HPSE2: variants seen among roughly 807,000 people sequenced by gnomAD.
HPSE2 encodes heparanase 2 (inactive), also known as inactive heparanase-2.
Under a neutral mutation model 60.5 loss-of-function variants are expected in HPSE2, and 38 were observed. The ratio of observed to expected loss-of-function variants is 0.63; its 90% CI spans 0.48 to 0.82. The LOEUF is 0.82. Ranked by LOEUF, HPSE2 falls within the 40% of genes least tolerant of loss-of-function variation. HPSE2 has a pLI of 0.00. For synonymous variants in HPSE2, 295 were observed against 293.2 expected, an observed-to-expected ratio of 1.01 and a Z score of -0.06; for missense variants, 713 against 740.4, an observed-to-expected ratio of 0.96 and a Z score of 0.43.
the HPSE2 span, among the ~76,000 whole-genome samples, chr10:99,249,030 T>A: frequency 1.3e-5 from 2 of 152,240 alleles, no homozygotes; most frequent in Non-Finnish European, 2.9e-5. Context: ...AGAAGTCTGC[T>A]GCAGGGGTGA....
chr10:98,903,560 T>G (rs915739874), intron 3 of HPSE2, among the ~76,000 whole-genome samples: 3 of 152,136 alleles, frequency 2.0e-5, no homozygotes, highest in African/African-American at 7.2e-5. Context: ...TCTCTCTCGT[T>G]TCTTGCTTCA....
rs536075946 is a variant in HPSE2 at position 98,930,216 on chromosome 10, A to G, written c.611-186160T>C. On this transcript the variant is annotated intron_variant, in intron 3 of 11. Transcript: ENST00000370552. ...TGTTCTCATTGTTCAGTTCCCACTT[A>G]TAAGTGAGAACATGCAGTGTTTGGT... Among the ~76,000 whole-genome samples, 22 of 143,946 alleles carry G rather than the reference A, an allele frequency of 1.5e-4. 1 individual carries two copies. The highest frequency in any genetic ancestry group is 3.1e-4 in the Non-Finnish European group (21 of 67,164). 94.4% of individuals were successfully genotyped at this position (143,946 alleles called of 152,430 possible).
At chr10:98,478,493 G>A (rs1941110509) in intron 11 of HPSE2, among the ~76,000 whole-genome samples, 1 of 152,166 alleles carries the variant, frequency 6.6e-6, no homozygotes, top group Non-Finnish European at 1.5e-5. Flanking sequence ...GAATCCTAGA[G>A]CACCTCTGAG....
At chr10:99,046,943 T>C (rs1038647590) in intron 3 of HPSE2, among the ~76,000 whole-genome samples, 8 of 152,294 alleles carry the variant, frequency 5.3e-5, no homozygotes, top group African/African-American at 1.9e-4. Flanking sequence ...AGCATCATTC[T>C]TCACAAAATT....
At chr10:99,078,938 C>T (rs780488222) in intron 3 of HPSE2, among the ~76,000 whole-genome samples, 9 of 152,088 alleles carry the variant, frequency 5.9e-5, no homozygotes, top group Non-Finnish European at 1.0e-4. Flanking sequence ...TATGCTGGGT[C>T]CAGTCAGCAT....
chr10:98,713,442 T>TC (rs1491261655), intron 5 of HPSE2, among the ~76,000 whole-genome samples: 1 of 150,714 alleles, frequency 6.6e-6, no homozygotes, highest in Non-Finnish European at 1.5e-5. Context: ...AAATTGTAAT[T>TC]CTTTTTTTTA....
At chr10:99,250,078 G>A in the HPSE2 span, among the ~76,000 whole-genome samples, 1 of 151,538 alleles carries the variant, frequency 6.6e-6, no homozygotes, top group East Asian at 1.9e-4. Flanking sequence ...GGAAGGTGGA[G>A]GTCACAGTGA....
intron 9 of HPSE2, among the ~76,000 whole-genome samples, chr10:98,609,823 T>C (rs1945697855): frequency 6.8e-6 from 1 of 147,122 alleles, no homozygotes; most frequent in Admixed American, 6.7e-5. Flanking sequence ...AATTAGGTGG[T>C]GTTCTTCTTC....
chr10:98,892,951 T>C (rs1953377931), intron 3 of HPSE2, among the ~76,000 whole-genome samples: 2 of 152,222 alleles, frequency 1.3e-5, no homozygotes, highest in African/African-American at 4.8e-5. Context: ...ACAAATGCCA[T>C]ACACTGGTCT....
intron 2 of HPSE2, 47 bp downstream of exon 2, chr10:99,232,295 AGCGGGT>A: frequency 6.5e-7 from 1 of 1,536,918 alleles, no homozygotes; most frequent in South Asian, 1.2e-5. Flanking sequence ...ACACAAACAC[AGCGGGT>A]GCTTGCTTCC....
intron 3 of HPSE2, among the ~76,000 whole-genome samples, chr10:98,969,643 T>A (rs1214047703): frequency 1.3e-5 from 2 of 152,242 alleles, no homozygotes; most frequent in African/African-American, 4.8e-5. Flanking sequence ...CAGAACATGC[T>A]ATGACATTAG....
At chr10:98,635,119 C>G (rs546428657) in intron 7 of HPSE2, among the ~76,000 whole-genome samples, 1 of 152,226 alleles carries the variant, frequency 6.6e-6, no homozygotes, top group African/African-American at 2.4e-5. Context: ...CCATTTTATT[C>G]TCAGGGACCT....
intron 3 of HPSE2, among the ~76,000 whole-genome samples, chr10:98,814,845 T>A (rs1951248005): frequency 6.6e-6 from 1 of 152,240 alleles, no homozygotes; most frequent in East Asian, 1.9e-4. Flanking sequence ...CATTATCCAA[T>A]ATAATTTGTT....
the HPSE2 span, among the ~76,000 whole-genome samples, chr10:99,258,885 C>A: frequency 1.3e-5 from 2 of 152,300 alleles, no homozygotes; most frequent in South Asian, 2.1e-4. Context: ...ACAGACCTAA[C>A]TATAAACCTA....
chr10:99,012,220 T>C (rs140425450), intron 3 of HPSE2, among the ~76,000 whole-genome samples: 36 of 152,272 alleles, frequency 2.4e-4, no homozygotes, highest in African/African-American at 8.4e-4. Flanking sequence ...TATGATAGAC[T>C]GATTAATGGA....
At chr10:99,180,246 C>T (rs1000977247) in intron 2 of HPSE2, among the ~76,000 whole-genome samples, 1 of 152,106 alleles carries the variant, frequency 6.6e-6, no homozygotes, top group Non-Finnish European at 1.5e-5. Context: ...GCAACAGAAG[C>T]CAAAATTGAC....
chr10:98,692,767 TCAAACAAA>T (rs532090386), intron 6 of HPSE2, among the ~76,000 whole-genome samples: 1 of 121,648 alleles, frequency 8.2e-6, no homozygotes, highest in African/African-American at 3.0e-5. Context: ...AGACTCTGTC[TCAAACAAA>T]CAAACAAACA....
rs777269780 is a variant in HPSE2 at position 99,235,673 on chromosome 10, T to C, written c.130A>G (p.Arg44Gly). The C allele has an allele frequency of 3.7e-6, 6 of 1,613,906 alleles. No homozygotes were observed. The highest frequency in any genetic ancestry group is 1.6e-4 in the Middle Eastern group (1 of 6,084). ...HLSLSSQAGD[R>G]RPLPVDRAAG... ...GCTCTGTCTACAGGCAAGGGTCTCC[T>C]GTCTCCAGCCTGGGAGGAAAGGGAG... The change falls in exon 1 of 12, where the codon AGG becomes GGG. Residue 44 changes from arginine (R) to glycine (G), a missense_variant. Transcript: ENST00000370552.
At chr10:99,127,536 GGAA>G (rs1291070691) in intron 3 of HPSE2, among the ~76,000 whole-genome samples, 1 of 152,168 alleles carries the variant, frequency 6.6e-6, no homozygotes, top group Non-Finnish European at 1.5e-5. Context: ...GTGTTCCTAA[GGAA>G]GAAGAGAAAT....
Sources: allele counts gnomAD v4.1 joint callset (sites outside exome capture counted in the v4.1 genomes callset), GRCh38; gene constraint gnomAD v4.1.1; transcripts MANE v1.5; gene names NCBI Gene and HGNC (gene_info 2026-07-23, HGNC 2026-07-21).